The following TMEM232 variants were observed in gnomAD, a reference collection of about 807,000 sequenced individuals.
TMEM232 encodes transmembrane protein 232.
TMEM232 carries 80 observed loss-of-function variants against 78.8 expected under a neutral mutation model. The ratio of observed to expected loss-of-function variants is 1.01; its 90% confidence interval spans 0.85 to 1.22. The LOEUF is 1.22. Ranked by LOEUF, TMEM232 falls within the 50% of genes most tolerant of loss-of-function variation. The pLI, the probability that TMEM232 is intolerant of heterozygous loss-of-function variation, is 0.00. For missense variants in TMEM232, 881 were observed against 742.2 expected (o/e 1.19, Z -2.17); for synonymous variants, 297 against 254.3 (o/e 1.17, Z -1.60).
chr5:110,713,090 T>C (rs970023623), intron 1 of TMEM232, among the ~76,000 whole-genome samples: 2 of 151,962 alleles, frequency 1.3e-5, no homozygotes, highest in African/African-American at 2.4e-5. Flanking sequence ...AGGAATAAGA[T>C]TCTCTAATTT....
At chr5:110,599,483 A>G (rs1002341734) in intron 10 of TMEM232, among the ~76,000 whole-genome samples, 1 of 152,182 alleles carries the variant, frequency 6.6e-6, no homozygotes, top group Non-Finnish European at 1.5e-5. Context: ...AACATTTACC[A>G]AGCAAATGGA....
intron 11 of TMEM232, among the ~76,000 whole-genome samples, chr5:110,539,412 C>T (rs576806527): frequency 1.3e-5 from 2 of 152,316 alleles, no homozygotes; most frequent in Admixed American, 1.3e-4. Flanking sequence ...ATTAATGAGG[C>T]TATTATCCCT....
At position 110,443,825 on chromosome 5, in the gene TMEM232, T is replaced by C. The variant is rs557137392; in HGVS notation, c.1704-18909A>G. ...ATTAATCCTGCCAGGACTGGGTCCTTCCTTTCAAGGCAGTGGAGTGACTTT... is the reference window on the plus strand; with the variant it reads ...ATTAATCCTGCCAGGACTGGGTCCTCCCTTTCAAGGCAGTGGAGTGACTTT... On this transcript the variant is annotated intron_variant, in intron 12 of 13. Coordinates refer to ENST00000455884, the MANE Select transcript of TMEM232 (RefSeq NM_001039763.4). 3.8e-3 allele frequency among the ~76,000 whole-genome samples: 585 copies of C among 152,246 alleles called. 1 individual carries two copies. The highest frequency in any genetic ancestry group is 6.8e-3 in the Middle Eastern group (2 of 294).
At chr5:110,630,222 T>C (rs966482842) in intron 5 of TMEM232, among the ~76,000 whole-genome samples, 3 of 152,170 alleles carry the variant, frequency 2.0e-5, no homozygotes, top group African/African-American at 4.8e-5. Context: ...GCTTTAAAAA[T>C]AGTACATCTT....
chr5:110,446,669 T>C (rs1759681286), intron 12 of TMEM232, among the ~76,000 whole-genome samples: 1 of 152,076 alleles, frequency 6.6e-6, no homozygotes, highest in Non-Finnish European at 1.5e-5. Flanking sequence ...ATCCCACCAC[T>C]GTTTTATTCC....
intron 10 of TMEM232, among the ~76,000 whole-genome samples, chr5:110,591,293 A>G (rs1779499163): frequency 1.3e-5 from 2 of 152,284 alleles, no homozygotes; most frequent in South Asian, 4.1e-4. Context: ...CCTGGTCTCT[A>G]CTAAAAATAC....
intron 2 of TMEM232, among the ~76,000 whole-genome samples, chr5:110,647,333 T>C (rs947635698): frequency 6.6e-6 from 1 of 152,090 alleles, no homozygotes; most frequent in Admixed American, 6.6e-5. Context: ...ACCACAGTTA[T>C]AAATTTGGGT....
At chr5:110,442,685 T>C (rs999501139) in intron 12 of TMEM232, among the ~76,000 whole-genome samples, 3 of 152,118 alleles carry the variant, frequency 2.0e-5, no homozygotes, top group Admixed American at 1.3e-4. Context: ...TGCTTGTAGA[T>C]GTTCACTGGT....
At chr5:110,554,798 G>A (rs188885472) in intron 11 of TMEM232, among the ~76,000 whole-genome samples, 3 of 152,164 alleles carry the variant, frequency 2.0e-5, no homozygotes, top group African/African-American at 7.2e-5. Context: ...AAGGCTTTTT[G>A]TAGTTGTCAG....
Position 110,420,571 on chromosome 5 carries a change from C to T in TMEM232, c.*9G>A. On this transcript the variant is annotated 3_prime_UTR_variant, in exon 14 of 14. Transcript: ENST00000455884. Reference sequence around the variant, plus strand: ...CCTCAATTTTGGGAGGTGACATTTTCTTTTCTAATTAAATTACTTCCTTCC... The same window carrying T: ...CCTCAATTTTGGGAGGTGACATTTTTTTTTCTAATTAAATTACTTCCTTCC... The T allele has an allele frequency of 6.9e-7, 1 of 1,445,110 alleles. No homozygotes were observed. Among genetic ancestry groups the T allele is most frequent in the East Asian group, 2.8e-5 (1 of 36,184 alleles). The allele number at this position is 1,445,110 out of a possible 1,614,324, so 89.5% of individuals were successfully genotyped here. A position where few individuals can be genotyped will look rare whatever the true frequency, so the allele number is the denominator to read the frequency against.
chr5:110,735,269 C>G (rs1799042532), intron 1 of TMEM232, among the ~76,000 whole-genome samples: 1 of 152,198 alleles, frequency 6.6e-6, no homozygotes, highest in South Asian at 2.1e-4. Flanking sequence ...TGTGCCAACT[C>G]TTGAAAACTG....
downstream of TMEM232, among the ~76,000 whole-genome samples, chr5:110,417,423 T>C (rs974829260): frequency 6.6e-6 from 1 of 152,182 alleles, no homozygotes; most frequent in Non-Finnish European, 1.5e-5. Context: ...CAACCCAGTC[T>C]ATGACTCAGA....
chr5:110,641,967 T>C (rs1221856051), intron 3 of TMEM232, among the ~76,000 whole-genome samples: 2 of 152,126 alleles, frequency 1.3e-5, no homozygotes, highest in Non-Finnish European at 1.5e-5. Flanking sequence ...ACACAGCATA[T>C]CTCAATTAAC....
chr5:110,621,370 G>T (rs1783726102), intron 7 of TMEM232, among the ~76,000 whole-genome samples: 1 of 151,784 alleles, frequency 6.6e-6, no homozygotes, highest in Non-Finnish European at 1.5e-5. Context: ...AGGTGTGGTT[G>T]GCAGATAACT....
intron 12 of TMEM232, among the ~76,000 whole-genome samples, chr5:110,517,104 T>A (rs372651296): frequency 1.3e-5 from 2 of 152,202 alleles, no homozygotes; most frequent in Non-Finnish European, 2.9e-5. Flanking sequence ...TGGAGATATA[T>A]AGGCACGCTA....
At chr5:110,394,353 T>C (rs1419282832) in intron 3 of TMEM232, among the ~76,000 whole-genome samples, 1 of 152,228 alleles carries the variant, frequency 6.6e-6, no homozygotes, top group Non-Finnish European at 1.5e-5. Context: ...AAATCATCTG[T>C]TGTTGACCAC....
chr5:110,577,539 A>C lies in TMEM232; in HGVS notation c.1277-8914T>G, dbSNP rs182980864. Among the ~76,000 whole-genome samples the C allele has an allele frequency of 2.3e-3, 348 of 152,276 alleles. 1 individual carries two copies. Among genetic ancestry groups the C allele is most frequent in the African/African-American group, 8.2e-3 (340 of 41,576 alleles). On this transcript the variant is annotated intron_variant, in intron 10 of 13. Coordinates refer to ENST00000455884, the MANE Select transcript of TMEM232 (RefSeq NM_001039763.4). ...TTACTGAGTATATACCCAAAGGACT[A>C]TAAATCATTTTATTATGAAGACACA... is the stretch of plus-strand genomic sequence containing the variant.
At chr5:110,710,096 C>T (rs751409364) in intron 1 of TMEM232, among the ~76,000 whole-genome samples, 15 of 151,662 alleles carry the variant, frequency 9.9e-5, no homozygotes, top group Admixed American at 7.2e-4. Context: ...CAATAGATAC[C>T]GCAGAAATTC....
intron 1 of TMEM232, among the ~76,000 whole-genome samples, chr5:110,724,817 G>T (rs1211901882): frequency 1.3e-5 from 2 of 150,986 alleles, no homozygotes; most frequent in Non-Finnish European, 2.9e-5. Flanking sequence ...TAGGTATAGA[G>T]CACCTGCTAC....
Sources: allele counts gnomAD v4.1 joint callset (sites outside exome capture counted in the v4.1 genomes callset), GRCh38; gene constraint gnomAD v4.1.1; transcripts MANE v1.5; gene names NCBI Gene and HGNC (gene_info 2026-07-23, HGNC 2026-07-21).